The following TRPM3 variants were observed in gnomAD, a reference collection of about 807,000 sequenced individuals.
TRPM3 encodes the protein long transient receptor potential channel 3.
In TRPM3, 77 loss-of-function variants were observed where a neutral mutation model predicts 181.2. The observed-to-expected ratio is 0.42, with a 90% confidence interval of 0.35 to 0.51. The LOEUF (loss-of-function observed/expected upper bound fraction) is 0.51. Among genes scored for constraint, TRPM3 ranks in the 20% least tolerant of loss-of-function variants. The probability of loss-of-function intolerance (pLI) is 0.01; values close to 1 mark genes in which losing one functional copy is unlikely to be tolerated. For synonymous variants in TRPM3, 745 were observed against 796.4 expected (o/e 0.94, Z 1.09); for missense variants, 1,759 against 2,196.7 (o/e 0.80, Z 3.98).
chr9:71,083,860 C>T, intron 1 of TRPM3, among the ~76,000 whole-genome samples: 1 of 151,586 alleles, frequency 6.6e-6, no homozygotes, highest in East Asian at 1.9e-4. Context: ...GTATATATAT[C>T]TATATATGTA....
intron 1 of TRPM3, among the ~76,000 whole-genome samples, chr9:71,269,471 A>G (rs1436897871): frequency 6.6e-6 from 1 of 152,248 alleles, no homozygotes; most frequent in Non-Finnish European, 1.5e-5. Flanking sequence ...GCAACAGAGC[A>G]GAATAATCTC....
At chr9:70,801,189 T>C (rs2088895620) in intron 6 of TRPM3, among the ~76,000 whole-genome samples, 1 of 152,348 alleles carries the variant, frequency 6.6e-6, no homozygotes, top group South Asian at 2.1e-4. Context: ...ACCTTGCTCA[T>C]ACCTTAGGGT....
chr9:70,652,153 G>A (rs903187085), intron 9 of TRPM3, among the ~76,000 whole-genome samples: 1 of 152,156 alleles, frequency 6.6e-6, no homozygotes, highest in Admixed American at 6.5e-5. Flanking sequence ...TTCGAACCTA[G>A]ATAATTGAAA....
intron 1 of TRPM3, among the ~76,000 whole-genome samples, chr9:71,240,323 A>G (rs1459960167): frequency 1.3e-5 from 2 of 152,170 alleles, no homozygotes; most frequent in Non-Finnish European, 2.9e-5. Flanking sequence ...ATTAGAAGAG[A>G]GATTAGCTAG....
At chr9:70,697,302 C>T (rs1271013360) in intron 8 of TRPM3, among the ~76,000 whole-genome samples, 1 of 152,110 alleles carries the variant, frequency 6.6e-6, no homozygotes, top group African/African-American at 2.4e-5. Context: ...CTACAATGAA[C>T]CTTATTTTGA....
Position 71,096,708 on chromosome 9 carries a change from G to T in TRPM3, c.177+24470C>A, listed in dbSNP as rs1414874995. 2.6e-5 allele frequency among the ~76,000 whole-genome samples: 4 copies of T among 151,690 alleles called. No homozygotes were observed. In the South Asian group the frequency reaches 6.3e-4, roughly 24 times the overall value. ...CACTGGCAGATTTTATTTACCTGGGGTGTTGCAATCATTATCTGTAAACAA... is the reference window on the plus strand; with the variant it reads ...CACTGGCAGATTTTATTTACCTGGGTTGTTGCAATCATTATCTGTAAACAA... On this transcript the variant is annotated intron_variant, in intron 1 of 25. Coordinates refer to ENST00000677713, the MANE Select transcript of TRPM3 (RefSeq NM_001366145.2).
intron 1 of TRPM3, among the ~76,000 whole-genome samples, chr9:70,931,150 G>A (rs995184010): frequency 2.0e-5 from 3 of 152,052 alleles, no homozygotes; most frequent in Admixed American, 1.3e-4. Context: ...GCTCTGCACA[G>A]ATTTATGTTT....
rs201036161 is a variant in TRPM3, at chr9:70,573,667, CA to C, written c.3223+17363del. Among the ~76,000 whole-genome samples, 808 of 151,352 alleles carry C rather than the reference CA, an allele frequency of 5.3e-3. 7 individuals are homozygous for C. Among genetic ancestry groups the C allele is most frequent in the African/African-American group, 0.018 (737 of 41,238 alleles). On this transcript the variant is annotated intron_variant, in intron 22 of 25. Coordinates refer to ENST00000677713, the MANE Select transcript of TRPM3 (RefSeq NM_001366145.2). Reference sequence around the variant, plus strand: ...CTTGAATTTCCAAGGTAAAGTTTCCCAAAAAAAAGGTAAAGTTTTCAAAAAA... The same window carrying C: ...CTTGAATTTCCAAGGTAAAGTTTCCCAAAAAAAGGTAAAGTTTTCAAAAAA...
At chr9:71,252,264 C>T (rs1427584013) in intron 1 of TRPM3, among the ~76,000 whole-genome samples, 1 of 151,814 alleles carries the variant, frequency 6.6e-6, no homozygotes, top group Admixed American at 6.6e-5. Flanking sequence ...TGTATGGTTC[C>T]TCATAAAATC....
intron 1 of TRPM3, among the ~76,000 whole-genome samples, chr9:71,171,911 G>C (rs996426181): frequency 6.6e-6 from 1 of 150,592 alleles, no homozygotes; most frequent in Admixed American, 6.6e-5. Flanking sequence ...TGTTGTTTTT[G>C]TTTTTAAGAC....
chr9:70,582,208 G>C (rs928357559), intron 22 of TRPM3, among the ~76,000 whole-genome samples: 33 of 150,630 alleles, frequency 2.2e-4, no homozygotes, highest in African/African-American at 7.1e-4. Context: ...GTGTGTGTGT[G>C]TGTCATGAAT....
intron 25 of TRPM3, 152 bp downstream of exon 25, chr9:70,549,390 C>T: frequency 2.1e-6 from 2 of 968,520 alleles, no homozygotes; most frequent in Non-Finnish European, 2.9e-6. Flanking sequence ...ATACTTTGGG[C>T]AATGTTCTGT....
chr9:70,993,008 A>G (rs1396824127), intron 1 of TRPM3, among the ~76,000 whole-genome samples: 3 of 152,162 alleles, frequency 2.0e-5, no homozygotes, highest in Non-Finnish European at 2.9e-5. Flanking sequence ...CAAACCCCCA[A>G]GAGATTTATG....
intron 1 of TRPM3, among the ~76,000 whole-genome samples, chr9:71,446,118 A>T (rs929795174): frequency 6.6e-6 from 1 of 152,198 alleles, no homozygotes; most frequent in East Asian, 1.9e-4. Flanking sequence ...GATTACAAGC[A>T]CCTGGGATAT....
chr9:71,029,172 C>G (rs973250433), intron 1 of TRPM3, among the ~76,000 whole-genome samples: 2 of 151,974 alleles, frequency 1.3e-5, no homozygotes, highest in Non-Finnish European at 2.9e-5. Context: ...AACGAAGATA[C>G]ATCATACCAG....
In TRPM3 at chr9:70,533,415, A is replaced by G. The variant is rs1181814934; in HGVS notation, c.*2538T>C. The G allele has an allele frequency of 6.6e-6, 1 of 152,206 alleles. No homozygotes were observed. Among genetic ancestry groups the G allele is most frequent in the East Asian group, 1.9e-4 (1 of 5,196 alleles). 9.4% of individuals were successfully genotyped at this position (152,206 alleles called of 1,614,324 possible). On this transcript the variant is annotated 3_prime_UTR_variant, in exon 26 of 26. Transcript: ENST00000677713. ...CAAAAATAACAAAATCTTTGTTCAA[A>G]CTCTGGTGCTGAGATTTGGCCTTCC...
rs2092255158 is a variant in TRPM3 at position 71,364,141 on chromosome 9, A to G, written c.183+82512T>C. Among the ~76,000 whole-genome samples the G allele has an allele frequency of 2.0e-5, 3 of 152,158 alleles. No individual in the cohort carries two copies. The South Asian group carries it at 6.2e-4, about 32-fold the overall frequency. On this transcript the variant is annotated intron_variant, in intron 1 of 24. Coordinates refer to the TRPM3 transcript ENST00000357533. ...AAACCAAAACAAGAAAAAGGAAAGCAAATAAAAAGCAGAGCATACGAAAAC... is the reference window on the plus strand; with the variant it reads ...AAACCAAAACAAGAAAAAGGAAAGCGAATAAAAAGCAGAGCATACGAAAAC...
At chr9:70,865,049 G>T (rs4527946) in intron 1 of TRPM3, among the ~76,000 whole-genome samples, 19 of 142,332 alleles carry the variant, frequency 1.3e-4, no homozygotes, top group Admixed American at 5.0e-4. Context: ...GGGGGGTTGG[G>T]GGGGGGGAGG....
intron 1 of TRPM3, among the ~76,000 whole-genome samples, chr9:71,068,766 T>C (rs967707994): frequency 6.6e-6 from 1 of 152,222 alleles, no homozygotes; most frequent in African/African-American, 2.4e-5. Flanking sequence ...TTCAAAGGCA[T>C]CAAATGATTC....
Sources: allele counts gnomAD v4.1 joint callset (sites outside exome capture counted in the v4.1 genomes callset), GRCh38; gene constraint gnomAD v4.1.1; transcripts MANE v1.5; gene names NCBI Gene and HGNC (gene_info 2026-07-23, HGNC 2026-07-21).